CSMD1: variants seen among roughly 807,000 people sequenced by gnomAD.
CSMD1 encodes CUB and sushi domain-containing protein 1.
Under a neutral mutation model 417.5 loss-of-function variants are expected in CSMD1, and 213 were observed. That is an observed-to-expected ratio of 0.51 (90% CI 0.46 to 0.57). The LOEUF is 0.57. CSMD1 is among the 20% of genes least tolerant of loss of function. The probability of loss-of-function intolerance (pLI) is 0.00; values close to 1 mark genes in which losing one functional copy is unlikely to be tolerated. For missense variants in CSMD1, 6,923 were observed against 4,529.7 expected, an observed-to-expected ratio of 1.53 and a Z score of -15.17; for synonymous variants, 2,862 against 1,736.8, an observed-to-expected ratio of 1.65 and a Z score of -16.11.
intron 2 of CSMD1, among the ~76,000 whole-genome samples, chr8:4,517,053 T>C (rs1452716477): frequency 6.6e-6 from 1 of 152,222 alleles, no homozygotes; most frequent in Non-Finnish European, 1.5e-5. Context: ...ATCTCTGTTT[T>C]TCTGTGTTTT....
chr8:3,078,905 C>T (rs949668973), intron 49 of CSMD1, among the ~76,000 whole-genome samples: 2 of 152,130 alleles, frequency 1.3e-5, no homozygotes, highest in Non-Finnish European at 2.9e-5. Context: ...TTGTTGGGCT[C>T]CTGTTCTTAG....
intron 8 of CSMD1, among the ~76,000 whole-genome samples, chr8:3,607,957 G>A (rs1461265466): frequency 3.9e-5 from 6 of 152,134 alleles, no homozygotes; most frequent in Admixed American, 3.3e-4. Flanking sequence ...ATCACTTGAG[G>A]TCAGGAGTTC....
chr8:4,081,623 C>G (rs1203265072), intron 3 of CSMD1, among the ~76,000 whole-genome samples: 1 of 152,048 alleles, frequency 6.6e-6, no homozygotes, highest in Non-Finnish European at 1.5e-5. Context: ...TTTTGAAGGA[C>G]AAATGGAGAT....
chr8:3,415,402 G>C (rs1331268579), intron 12 of CSMD1, among the ~76,000 whole-genome samples: 1 of 152,214 alleles, frequency 6.6e-6, no homozygotes, highest in Non-Finnish European at 1.5e-5. Context: ...CTGTCACCCA[G>C]GCTGGAGTGC....
intron 23 of CSMD1, among the ~76,000 whole-genome samples, chr8:3,339,008 C>G (rs1253995232): frequency 2.2e-5 from 3 of 135,804 alleles, no homozygotes; most frequent in African/African-American, 8.3e-5. Context: ...ACAACAGTCC[C>G]CTGAGTGTGA....
chr8:3,900,938 C>A lies in CSMD1; in HGVS notation c.818+96965G>T, dbSNP rs138351301. Among the ~76,000 whole-genome samples, 272 of 152,300 alleles carry A rather than the reference C, an allele frequency of 1.8e-3. 1 individual carries two copies. The highest frequency in any genetic ancestry group is 6.2e-3 in the African/African-American group (256 of 41,558). Reference sequence around the variant, plus strand: ...TCCAAACACTATGGATTATTAAATACAAGAAGGTCTATAAAGGACAGAACA... The same window carrying A: ...TCCAAACACTATGGATTATTAAATAAAAGAAGGTCTATAAAGGACAGAACA... On this transcript the variant is annotated intron_variant, in intron 5 of 69. Coordinates refer to ENST00000635120, the MANE Select transcript of CSMD1 (RefSeq NM_033225.6).
chr8:3,917,493 A>C (rs985226466), intron 5 of CSMD1, among the ~76,000 whole-genome samples: 1 of 152,200 alleles, frequency 6.6e-6, no homozygotes, highest in Non-Finnish European at 1.5e-5. Context: ...AGTTTTGTTA[A>C]AAGATAAACA....
intron 7 of CSMD1, among the ~76,000 whole-genome samples, chr8:3,619,209 A>G (rs1005449234): frequency 1.3e-5 from 2 of 152,164 alleles, no homozygotes; most frequent in African/African-American, 4.8e-5. Flanking sequence ...ACAAAAATAC[A>G]GCAAAATGTA....
At chr8:3,009,607 AT>A (rs1460666792) in intron 52 of CSMD1, among the ~76,000 whole-genome samples, 1 of 152,190 alleles carries the variant, frequency 6.6e-6, no homozygotes, top group Non-Finnish European at 1.5e-5. Flanking sequence ...CTTGATCTCC[AT>A]ATGCTAAAGA....
At chr8:3,797,114 G>A (rs140863761) in intron 5 of CSMD1, among the ~76,000 whole-genome samples, 2 of 151,904 alleles carry the variant, frequency 1.3e-5, no homozygotes, top group African/African-American at 2.4e-5. Flanking sequence ...TAAAACATAA[G>A]TAAATAATGA....
At chr8:4,679,781 T>G (rs897722090) in intron 1 of CSMD1, among the ~76,000 whole-genome samples, 1 of 152,252 alleles carries the variant, frequency 6.6e-6, no homozygotes, top group Non-Finnish European at 1.5e-5. Context: ...CTAAGTAATA[T>G]GTGTATAAAT....
intron 8 of CSMD1, among the ~76,000 whole-genome samples, chr8:3,596,540 A>C (rs1313532461): frequency 6.6e-6 from 1 of 152,150 alleles, no homozygotes; most frequent in Non-Finnish European, 1.5e-5. Flanking sequence ...TATCACTTAA[A>C]TCCGTGGTTG....
At chr8:3,736,847 C>G (rs1446900226) in intron 6 of CSMD1, among the ~76,000 whole-genome samples, 1 of 152,158 alleles carries the variant, frequency 6.6e-6, no homozygotes, top group African/African-American at 2.4e-5. Flanking sequence ...TTACGTATGT[C>G]TACATATGAA....
In CSMD1 at chr8:3,462,994, C is replaced by T. The variant is rs747861613; in HGVS notation, c.1561+5718G>A. 5.3e-5 allele frequency among the ~76,000 whole-genome samples: 8 copies of T among 152,184 alleles called. 1 individual carries two copies. Among genetic ancestry groups the T allele is most frequent in the Admixed American group, 2.0e-4 (3 of 15,288 alleles). On this transcript the variant is annotated intron_variant, in intron 12 of 69. Coordinates refer to ENST00000635120, the MANE Select transcript of CSMD1 (RefSeq NM_033225.6). ...GCTTGTGGCCTTGCGCTGTCCACCA[C>T]GTGAGGACACAGTGAGAAGGCGCCA...
At chr8:4,598,084 A>T (rs1420771356) in intron 2 of CSMD1, among the ~76,000 whole-genome samples, 3 of 152,152 alleles carry the variant, frequency 2.0e-5, no homozygotes, top group African/African-American at 7.2e-5. Context: ...CACAGAAAAT[A>T]AAAAGCTAGA....
At chr8:4,575,002 C>G (rs951900439) in intron 2 of CSMD1, among the ~76,000 whole-genome samples, 3 of 152,070 alleles carry the variant, frequency 2.0e-5, no homozygotes, top group African/African-American at 7.2e-5. Context: ...ATTGTGCTTC[C>G]TCAGTAAATA....
chr8:3,900,444 C>CTA (rs1807666066), intron 5 of CSMD1, among the ~76,000 whole-genome samples: 2 of 150,146 alleles, frequency 1.3e-5, no homozygotes, highest in African/African-American at 4.9e-5. Context: ...GGTGACAGCA[C>CTA]AGCTGCATAA....
chr8:4,657,741 C>T lies in CSMD1; in HGVS notation c.86-20183G>A, dbSNP rs571542346. ...GAAATGAAAAAAAAAAAAACTCTCC[C>T]TGAAAAAGCACGGACATTTGAATTA... On this transcript the variant is annotated intron_variant, in intron 1 of 69. Coordinates refer to ENST00000635120, the MANE Select transcript of CSMD1 (RefSeq NM_033225.6). 6.6e-5 allele frequency among the ~76,000 whole-genome samples: 10 copies of T among 150,802 alleles called. No individual in the cohort carries two copies. In the South Asian group the frequency reaches 2.1e-3, roughly 31 times the overall value.
rs1812127901 is a variant in CSMD1, at chr8:4,761,912, A to AATCTATCTATCAATCT, written c.86-124355_86-124354insAGATTGATAGATAGAT. On this transcript the variant is annotated intron_variant, in intron 1 of 69. Transcript: ENST00000635120. ...CTACCTACCTATCTATCTATCTATCAATCTATCTATCTATCTATCTATCTA... is the reference window on the plus strand; with the variant it reads ...CTACCTACCTATCTATCTATCTATCAATCTATCTATCAATCTATCTATCTATCTATCTATCTATCTA... Among the ~76,000 whole-genome samples the AATCTATCTATCAATCT allele has an allele frequency of 7.3e-4, 74 of 101,314 alleles. 1 individual carries two copies. The highest frequency in any genetic ancestry group is 2.8e-3 in the African/African-American group (70 of 25,306). The allele number at this position is 101,314 out of a possible 152,430, so 66.5% of individuals were successfully genotyped here.
Sources: gnomAD v4.1 joint callset for allele counts (sites outside exome capture counted in the v4.1 genomes callset) on GRCh38, gnomAD v4.1.1 for gene constraint, MANE v1.5 for transcripts, NCBI Gene and HGNC (gene_info 2026-07-23, HGNC 2026-07-21) for gene names.